The following SEPTIN1 variants were observed in gnomAD, a reference collection of about 807,000 sequenced individuals.
SEPTIN1 encodes the protein septin 1.
Under a neutral mutation model 50.7 loss-of-function variants are expected in SEPTIN1, and 52 were observed. That is an observed-to-expected ratio of 1.03 (90% CI 0.82 to 1.29). The LOEUF is 1.29. Among genes scored for constraint, SEPTIN1 ranks in the 50% most tolerant of loss-of-function variants. The pLI, the probability that SEPTIN1 is intolerant of heterozygous loss-of-function variation, is 0.00. For synonymous variants in SEPTIN1, 204 were observed against 189.1 expected, an observed-to-expected ratio of 1.08 and a Z score of -0.65; for missense variants, 455 against 490.7, an observed-to-expected ratio of 0.93 and a Z score of 0.69.
chr16:30,378,911 C>A, intron 9 of SEPTIN1, 107 bp downstream of exon 9: 1 of 1,101,826 alleles, frequency 9.1e-7, no homozygotes. Context: ...AGAGAGAAGT[C>A]TGAGTGGTGA....
In SEPTIN1 at chr16:30,382,309, G is replaced by A. The variant is rs139289407; in HGVS notation, c.75C>T (p.Val25=). Residue 25 remains valine (V), a synonymous_variant, in exon 2 of 11, where the codon GTC becomes GTT. Transcript: ENST00000321367. The surrounding 1 kb of genome is among the most constrained non-coding windows in gnomAD (Gnocchi z 4.8). ...ALPNQLHRKS[V]KKGFDFTLMV... is the part of the protein sequence containing the mutation. The stretch of plus-strand genomic sequence containing the variant: ...TTAGCGTGAAGTCAAACCCCTTCTT[G>A]ACAGACTTGCGGTGCAGCTGGTTGG... 3 of 1,613,894 alleles carry A rather than the reference G, an allele frequency of 1.9e-6. 1 individual carries two copies. The highest frequency in any genetic ancestry group is 2.5e-6 in the Non-Finnish European group (3 of 1,179,868).
chr16:30,382,333 G>T lies in SEPTIN1; in HGVS notation c.51C>A (p.Pro17=), dbSNP rs141776058. The T allele has an allele frequency of 3.1e-5, 50 of 1,613,518 alleles. 1 individual carries two copies. The highest frequency in any genetic ancestry group is 5.0e-5 in the Admixed American group (3 of 59,934). ...TGACAGACTTGCGGTGCAGCTGGTT[G>T]GGGAGGGCAGCAAAACCCACGTACT... ...DKEYVGFAAL[P]NQLHRKSVKK... is the part of the protein sequence containing the mutation. Residue 17 remains proline (P), a synonymous_variant, in exon 2 of 11, where the codon CCC becomes CCA. Transcript: ENST00000321367. The surrounding 1 kb of genome is among the most constrained non-coding windows in gnomAD (Gnocchi z 4.8).
intron 7 of SEPTIN1, 121 bp from the exon 8 acceptor site, chr16:30,379,655 T>TTTTTTA: frequency 1.5e-6 from 1 of 647,038 alleles, no homozygotes; most frequent in Non-Finnish European, 2.6e-6. Context: ...TTTTTTTTTT[T>TTTTTTA]TTTTTTTTTT....
rs2049777782 is a variant in SEPTIN1 at position 30,378,289 on chromosome 16, A to T, written c.*145T>A. 1 of 795,660 alleles carries T rather than the reference A, an allele frequency of 1.3e-6. No individual in the cohort carries two copies. The highest frequency in any genetic ancestry group is 2.8e-5 in the Admixed American group (1 of 35,388). 49.3% of individuals were successfully genotyped at this position (795,660 alleles called of 1,614,324 possible). A position where few individuals can be genotyped will look rare whatever the true frequency, so the allele number is the denominator to read the frequency against. On this transcript the variant is annotated 3_prime_UTR_variant, in exon 11 of 11. Coordinates refer to ENST00000321367, the MANE Select transcript of SEPTIN1 (RefSeq NM_001365977.2). ...GACCAGCGCCGGGGCGGGGCTACGG[A>T]CTCAGGCTGGGAGAACCTCCCCCTA...
Position 30,378,410 on chromosome 16 carries a change from G to T in SEPTIN1, c.*24C>A. On this transcript the variant is annotated 3_prime_UTR_variant, in exon 11 of 11. Coordinates refer to ENST00000321367, the MANE Select transcript of SEPTIN1 (RefSeq NM_001365977.2). The stretch of plus-strand genomic sequence containing the variant: ...AGAGGCCGACTGAAGGCGGAGCCGA[G>T]GTAAGGCCGGGCGGGGCGTGGCCTC... The T allele has an allele frequency of 1.3e-6, 2 of 1,547,208 alleles. No individual in the cohort carries two copies. The highest frequency in any genetic ancestry group is 1.7e-6 in the Non-Finnish European group (2 of 1,156,904).
At position 30,378,175 on chromosome 16, in the gene SEPTIN1, G is replaced by T. The variant is rs1450515331; in HGVS notation, c.*259C>A. 5.7e-6 allele frequency: 4 copies of T among 705,330 alleles called. No individual in the cohort carries two copies. The highest frequency in any genetic ancestry group is 4.2e-5 in the Admixed American group (2 of 47,964). 43.7% of individuals were successfully genotyped at this position (705,330 alleles called of 1,614,324 possible). ...CAGTTTTTATTGAAGACAGAGTCTG[G>T]GAGAAGAAGGGGGACTCCGGAAGAC... is the stretch of plus-strand genomic sequence containing the variant. On this transcript the variant is annotated 3_prime_UTR_variant, in exon 11 of 11. Transcript: ENST00000321367.
At chr16:30,378,727 A>T in intron 9 of SEPTIN1, 27 bp from the exon 10 acceptor site, 1 of 1,596,560 alleles carries the variant, frequency 6.3e-7, no homozygotes, top group South Asian at 1.1e-5. Context: ...AGGGGACAGG[A>T]ATCAGGAGCG....
intron 6 of SEPTIN1, chr16:30,380,327 G>T: frequency 5.8e-6 from 1 of 171,414 alleles, no homozygotes; most frequent in South Asian, 1.4e-4. Flanking sequence ...TTTGAAACAA[G>T]GTTTCACTCT....
chr16:30,379,224 T>C (rs757476360), intron 8 of SEPTIN1, 41 bp from the exon 9 acceptor site: 46 of 1,609,850 alleles, frequency 2.9e-5, no homozygotes, highest in Non-Finnish European at 3.7e-5. Context: ...GTCAGGGAGT[T>C]TCGGGTCCAA....
chr16:30,381,847 C>T lies in SEPTIN1; in HGVS notation c.233G>A (p.Gly78Asp), dbSNP rs2049853638. 1.2e-6 allele frequency: 2 copies of T among 1,614,176 alleles called. No homozygotes were observed. Among genetic ancestry groups the T allele is most frequent in the Middle Eastern group, 1.6e-4 (1 of 6,062 alleles). ...LTQTLAIERRGVEIEEGGVKV... is the reference protein window; with the variant it reads ...LTQTLAIERRDVEIEEGGVKV... ...CACACCCCCTTCCTCAATCTCTACG[C>T]CCCGGCGCTCAATGGCCAGGGTCTG... The change falls in exon 4 of 11, where the codon GGC (glycine) becomes GAC (aspartate). Residue 78 changes from glycine (G) to aspartate (D), a missense_variant. Transcript: ENST00000321367. This position sits in a 1 kb window ranked among gnomAD's most constrained non-coding sequence, Gnocchi z 4.3.
chr16:30,381,510 AG>A lies in SEPTIN1; in HGVS notation c.321-38del. On this transcript the variant is annotated intron_variant, in intron 4 of 10. Coordinates refer to ENST00000321367, the MANE Select transcript of SEPTIN1 (RefSeq NM_001365977.2). This position sits in a 1 kb window ranked among gnomAD's most constrained non-coding sequence, Gnocchi z 4.3. ...GAGAGGATGTGAGGTCAGAGATCAAAGGCCAGAGGGCAGGGGGCAAGGCTAG... is the reference window on the plus strand; with the variant it reads ...GAGAGGATGTGAGGTCAGAGATCAAAGCCAGAGGGCAGGGGGCAAGGCTAG... The A allele has an allele frequency of 6.2e-7, 1 of 1,612,436 alleles. No homozygotes were observed. Among genetic ancestry groups the A allele is most frequent in the Non-Finnish European group, 8.5e-7 (1 of 1,178,908 alleles).
chr16:30,382,556 G>A lies in SEPTIN1; in HGVS notation c.-14C>T, dbSNP rs375914201. 2.3e-5 allele frequency: 36 copies of A among 1,588,758 alleles called. No individual in the cohort carries two copies. Among genetic ancestry groups the A allele is most frequent in the African/African-American group, 2.7e-5 (2 of 74,656 alleles). On this transcript the variant is annotated 5_prime_UTR_variant, in exon 1 of 11. The change creates a new upstream start codon in the 5' untranslated region. Transcript: ENST00000321367. The surrounding 1 kb of genome is among the most constrained non-coding windows in gnomAD (Gnocchi z 4.8). ...TCCGCCAGCCATCACTGCACCTGCC[G>A]TCTCTCCCCACTTCCTCTGGTGGGG...
Position 30,380,105 on chromosome 16 carries a change from G to C in SEPTIN1, c.574-72C>G. The C allele has an allele frequency of 2.4e-6, 3 of 1,253,794 alleles. No homozygotes were observed. The South Asian group carries it at 4.3e-5, about 18-fold the overall frequency. 77.7% of individuals were successfully genotyped at this position (1,253,794 alleles called of 1,614,324 possible). On this transcript the variant is annotated intron_variant, in intron 6 of 10. Coordinates refer to ENST00000321367, the MANE Select transcript of SEPTIN1 (RefSeq NM_001365977.2). ...CAGACATTTCATGACCAGAGACAGT[G>C]AGACACAGAGATACTGGGTGGTCAG...
Position 30,381,880 on chromosome 16 carries a change from C to T in SEPTIN1, c.200G>A (p.Arg67His), listed in dbSNP as rs377096306. The T allele has an allele frequency of 1.0e-4, 161 of 1,614,022 alleles. No homozygotes were observed. Among genetic ancestry groups the T allele is most frequent in the East Asian group, 8.7e-4 (39 of 44,882 alleles). Residue 67 changes from arginine (R) to histidine (H), a missense_variant, in exon 4 of 11, where the codon CGC becomes CAC. By Grantham distance (29) the Arg-to-His change is conservative. Transcript: ENST00000321367. This position sits in a 1 kb window ranked among gnomAD's most constrained non-coding sequence, Gnocchi z 4.3. ...EDRQVPEASARLTQTLAIERR... is the reference protein window; with the variant it reads ...EDRQVPEASAHLTQTLAIERR... ...CTCAATGGCCAGGGTCTGTGTCAAGCGAGCTGTGGGATGGGGGAGAGGTCA... is the reference window on the plus strand; with the variant it reads ...CTCAATGGCCAGGGTCTGTGTCAAGTGAGCTGTGGGATGGGGGAGAGGTCA...
chr16:30,380,172 G>A (rs1334220904), intron 6 of SEPTIN1, 139 bp from the exon 7 acceptor site: 2 of 572,802 alleles, frequency 3.5e-6, no homozygotes, highest in African/African-American at 1.9e-5. Flanking sequence ...GGGGAGAGAT[G>A]GACATACAGG....
chr16:30,378,784 G>A, intron 9 of SEPTIN1, 84 bp from the exon 10 acceptor site: 1 of 1,374,210 alleles, frequency 7.3e-7, no homozygotes, highest in Non-Finnish European at 1.0e-6. Context: ...CCTGGGGCGA[G>A]GTTGGGGTCT....
rs775891343 is a variant in SEPTIN1, at chr16:30,379,458, C to A, written c.752G>T (p.Arg251Leu). The change falls in exon 8 of 11, where the codon CGC becomes CTC. Residue 251 changes from arginine (R) to leucine (L), a missense_variant. Coordinates refer to ENST00000321367, the MANE Select transcript of SEPTIN1 (RefSeq NM_001365977.2). Reference protein sequence around the residue: ...DGGNRPVRGRRYSWGTVEVEN... With the variant: ...DGGNRPVRGRLYSWGTVEVEN... ...ACCCTCCACGGTCCCCCAGGAGTAG[C>A]GGCGTCCCCTCACCGGCCGGTTCCC... is the stretch of plus-strand genomic sequence containing the variant. 1.2e-6 allele frequency: 2 copies of A among 1,613,822 alleles called. No homozygotes were observed. The highest frequency in any genetic ancestry group is 1.7e-6 in the Non-Finnish European group (2 of 1,179,900).
Position 30,378,514 on chromosome 16 carries a change from G to C in SEPTIN1, c.1039C>G (p.Arg347Gly). The C allele has an allele frequency of 1.3e-6, 2 of 1,583,490 alleles. No homozygotes were observed. Among genetic ancestry groups the C allele is most frequent in the Non-Finnish European group, 1.7e-6 (2 of 1,164,614 alleles). ...ATCTTCTCCAGCATCTCTTGCATGC[G>C]GCGCAGCTGTGCAGGGCGAGATTGC... ...LIREKDEELR[R>G]MQEMLEKMQA... Residue 347 changes from arginine (R) to glycine (G), a missense_variant, in exon 11 of 11, where the codon CGC becomes GGC. By Grantham distance (125) the Arg-to-Gly change is moderately radical (BLOSUM62 -2). Transcript: ENST00000321367.
At chr16:30,379,359 TC>T in intron 8 of SEPTIN1, 75 bp downstream of exon 8, 1 of 1,460,516 alleles carries the variant, frequency 6.8e-7, no homozygotes, top group South Asian at 1.2e-5. Flanking sequence ...CACCCCAACT[TC>T]ACATGTTGAG....
Sources: allele counts gnomAD v4.1 joint callset, GRCh38; gene constraint gnomAD v4.1.1; non-coding constraint Gnocchi (gnomAD v3.1); transcripts MANE v1.5; gene names NCBI Gene and HGNC (gene_info 2026-07-23, HGNC 2026-07-21).